Variants in SCD5 observed in about 807,000 individuals in gnomAD.
The protein encoded by SCD5 is acyl-CoA-desaturase 4.
A neutral mutation model predicts 30.4 loss-of-function variants in SCD5; 20 were observed. The ratio of observed to expected loss-of-function variants is 0.66; its 90% confidence interval spans 0.46 to 0.96. SCD5 has a LOEUF of 0.96. Among genes scored for constraint, SCD5 ranks in the 40% least tolerant of loss-of-function variants. The probability of loss-of-function intolerance (pLI) is 0.00; values close to 1 mark genes in which losing one functional copy is unlikely to be tolerated. For synonymous variants in SCD5, 173 were observed against 176.4 expected (o/e 0.98, Z 0.16); for missense variants, 381 against 443.3 (o/e 0.86, Z 1.26).
At chr4:82,679,174 G>A (rs1393750272) in intron 3 of SCD5, among the ~76,000 whole-genome samples, 1 of 145,476 alleles carries the variant, frequency 6.9e-6, no homozygotes, top group African/African-American at 2.6e-5. Context: ...ACTGCAGCCT[G>A]GGCGACAGAG....
At chr4:82,778,598 A>C (rs1259197320) in intron 1 of SCD5, among the ~76,000 whole-genome samples, 2 of 152,184 alleles carry the variant, frequency 1.3e-5, no homozygotes, top group Non-Finnish European at 2.9e-5. Flanking sequence ...AAGGTCAGCA[A>C]ACTTGCCACT....
chr4:82,720,263 A>C (rs2148831974), intron 1 of SCD5, among the ~76,000 whole-genome samples: 1 of 151,870 alleles, frequency 6.6e-6, no homozygotes, highest in East Asian at 1.9e-4. Context: ...CACCATCTCT[A>C]CAGAAAAATT....
At chr4:82,710,257 G>A (rs965590951) in intron 1 of SCD5, among the ~76,000 whole-genome samples, 2 of 152,140 alleles carry the variant, frequency 1.3e-5, no homozygotes, top group Non-Finnish European at 1.5e-5. Context: ...GACACCATGT[G>A]GCCCCACCTT....
intron 1 of SCD5, among the ~76,000 whole-genome samples, chr4:82,787,112 A>G (rs1035163500): frequency 6.6e-6 from 1 of 152,204 alleles, no homozygotes; most frequent in African/African-American, 2.4e-5. Context: ...GTGAGGATGC[A>G]CTGGCCTTAT....
At chr4:82,753,569 ATAGGGTGT>A in intron 1 of SCD5, 1 of 392,690 alleles carries the variant, frequency 2.5e-6, no homozygotes, top group Non-Finnish European at 5.3e-6. Context: ...TAGAATGTTC[ATAGGGTGT>A]CACCCAAATC....
At chr4:82,699,874 A>T (rs1487813628) in intron 2 of SCD5, among the ~76,000 whole-genome samples, 1 of 151,370 alleles carries the variant, frequency 6.6e-6, no homozygotes, top group African/African-American at 2.4e-5. Flanking sequence ...GTTGGCCAGG[A>T]TGGTCTCGAT....
chr4:82,758,838 G>A (rs111632772), intron 1 of SCD5, among the ~76,000 whole-genome samples: 2 of 152,288 alleles, frequency 1.3e-5, no homozygotes, highest in South Asian at 2.1e-4. Flanking sequence ...GACAGCACAC[G>A]ACACAAAGGG....
At chr4:82,663,276 A>C (rs986604007) in intron 3 of SCD5, among the ~76,000 whole-genome samples, 2 of 152,222 alleles carry the variant, frequency 1.3e-5, no homozygotes, top group Non-Finnish European at 2.9e-5. Context: ...GATAAGAAGA[A>C]GTCAGCTAAA....
chr4:82,779,267 G>A (rs774752977), intron 1 of SCD5, among the ~76,000 whole-genome samples: 1 of 151,908 alleles, frequency 6.6e-6, no homozygotes, highest in Admixed American at 6.6e-5. Context: ...CAGAGGAGGA[G>A]GCCAGCGTGA....
intron 1 of SCD5, among the ~76,000 whole-genome samples, chr4:82,730,731 A>G (rs181632640): frequency 0.04 from 5,932 of 150,174 alleles, 216 homozygotes; most frequent in African/African-American, 0.095. Context: ...GACTACAGGC[A>G]CCCACCACCA....
At chr4:82,633,233 C>T (rs1452818149) in intron 4 of SCD5, among the ~76,000 whole-genome samples, 1 of 152,160 alleles carries the variant, frequency 6.6e-6, no homozygotes, top group Non-Finnish European at 1.5e-5. Context: ...GATCGTGCAG[C>T]GTTTGTCTTT....
At chr4:82,632,685 C>T (rs1414903861) in intron 4 of SCD5, among the ~76,000 whole-genome samples, 1 of 152,160 alleles carries the variant, frequency 6.6e-6, no homozygotes, top group Non-Finnish European at 1.5e-5. Context: ...TCTCCACATC[C>T]TCTCCAGCAC....
At chr4:82,793,436 G>A (rs1722141177) in intron 1 of SCD5, among the ~76,000 whole-genome samples, 1 of 152,140 alleles carries the variant, frequency 6.6e-6, no homozygotes, top group African/African-American at 2.4e-5. Flanking sequence ...GAAGGAGGGA[G>A]GAAGCACAGA....
At chr4:82,733,568 G>GT (rs1197121273) in intron 1 of SCD5, among the ~76,000 whole-genome samples, 4 of 152,106 alleles carry the variant, frequency 2.6e-5, no homozygotes, top group Non-Finnish European at 4.4e-5. Flanking sequence ...TTATTATCTT[G>GT]AAGCCTTCTA....
chr4:82,634,887 C>G (rs1405179593), intron 4 of SCD5, among the ~76,000 whole-genome samples: 3 of 152,256 alleles, frequency 2.0e-5, no homozygotes, highest in Admixed American at 2.0e-4. Flanking sequence ...GGCACTGCCC[C>G]TCCTGTTTTC....
chr4:82,638,893 C>A (rs899213823), intron 3 of SCD5, among the ~76,000 whole-genome samples: 1 of 152,198 alleles, frequency 6.6e-6, no homozygotes, highest in East Asian at 1.9e-4. Flanking sequence ...TTAATTCTAA[C>A]AAACATTCTC....
chr4:82,703,534 A>G (rs1719903560), intron 2 of SCD5, among the ~76,000 whole-genome samples: 1 of 152,226 alleles, frequency 6.6e-6, no homozygotes, highest in African/African-American at 2.4e-5. Context: ...ATGGCAGAGC[A>G]AAGAATTTAT....
chr4:82,792,859 T>G (rs1253398611), intron 1 of SCD5, among the ~76,000 whole-genome samples: 4 of 152,222 alleles, frequency 2.6e-5, no homozygotes, highest in Non-Finnish European at 5.9e-5. Flanking sequence ...ATGTCAGGAT[T>G]CGCACTGGTT....
At chr4:82,763,785 A>T in intron 1 of SCD5, among the ~76,000 whole-genome samples, 1 of 152,146 alleles carries the variant, frequency 6.6e-6, no homozygotes, top group East Asian at 1.9e-4. Flanking sequence ...TCTTTATTTA[A>T]CCCATCTAGT....
Sources: allele counts gnomAD v4.1 joint callset (sites outside exome capture counted in the v4.1 genomes callset), GRCh38; gene constraint gnomAD v4.1.1; transcripts MANE v1.5; gene names NCBI Gene and HGNC (gene_info 2026-07-23, HGNC 2026-07-21).